PKNOX2: variants seen among roughly 807,000 people sequenced by gnomAD.
PKNOX2 encodes homeobox protein PKNOX2.
Under a neutral mutation model 53.1 loss-of-function variants are expected in PKNOX2, and 14 were observed. That is an observed-to-expected ratio of 0.26 (90% CI 0.17 to 0.41). PKNOX2 has a LOEUF of 0.41. PKNOX2 is among the 10% of genes least tolerant of loss of function. The pLI is 1.00. For missense variants in PKNOX2, 496 were observed against 602.8 expected (o/e 0.82, Z 1.85); for synonymous variants, 257 against 242.8 (o/e 1.06, Z -0.54).
At chr11:125,281,052 A>C (rs751316180) in intron 2 of PKNOX2, among the ~76,000 whole-genome samples, 2 of 152,036 alleles carry the variant, frequency 1.3e-5, no homozygotes, top group Non-Finnish European at 2.9e-5. Context: ...GGTGGATCAC[A>C]CTCCAAAGAC....
chr11:125,331,953 A>G (rs1188087299), intron 3 of PKNOX2, 28 bp downstream of exon 3: 1 of 152,074 alleles, frequency 6.6e-6, no homozygotes, highest in Non-Finnish European at 1.5e-5. Context: ...GTCGTTTAAC[A>G]TACAGTTACA....
chr11:125,165,563 G>T lies in PKNOX2; in HGVS notation c.-201+787G>T, dbSNP rs981926437. On this transcript the variant is annotated intron_variant, in intron 1 of 12. Coordinates refer to ENST00000298282, the MANE Select transcript of PKNOX2 (RefSeq NM_001382323.2). The surrounding 1 kb of genome is among the most constrained non-coding windows in gnomAD (Gnocchi z 4.5). ...CGGCCGCGGCCTGGGGAGGCAGGGC[G>T]AATGAGGGTTTGCAGACGGATCAGT... Among the ~76,000 whole-genome samples, 65 of 152,198 alleles carry T rather than the reference G, an allele frequency of 4.3e-4. 3 individuals are homozygous for T. The highest frequency in any genetic ancestry group is 2.4e-5 in the African/African-American group (1 of 41,458).
chr11:125,313,404 A>C (rs1486608030), intron 2 of PKNOX2, among the ~76,000 whole-genome samples: 1 of 152,178 alleles, frequency 6.6e-6, no homozygotes, highest in Non-Finnish European at 1.5e-5. Context: ...TTCTCTTTCA[A>C]CTGAATTGGG....
At chr11:125,337,054 T>C (rs1445751572) in intron 3 of PKNOX2, among the ~76,000 whole-genome samples, 2 of 151,940 alleles carry the variant, frequency 1.3e-5, no homozygotes, top group Admixed American at 6.6e-5. Flanking sequence ...TTATCTATGA[T>C]TTTTACATTG....
chr11:125,189,040 C>G (rs999001892), intron 1 of PKNOX2, among the ~76,000 whole-genome samples: 2 of 151,904 alleles, frequency 1.3e-5, no homozygotes, highest in African/African-American at 4.8e-5. Context: ...GCACAAAAGT[C>G]CCAATCAACT....
chr11:125,302,032 G>A (rs1221950107), intron 2 of PKNOX2, among the ~76,000 whole-genome samples: 1 of 152,224 alleles, frequency 6.6e-6, no homozygotes, highest in Non-Finnish European at 1.5e-5. Context: ...TCTGACTGGG[G>A]CTAAGAGTGG....
At chr11:125,369,286 C>G (rs960300860) in intron 5 of PKNOX2, among the ~76,000 whole-genome samples, 1 of 152,220 alleles carries the variant, frequency 6.6e-6, no homozygotes, top group Non-Finnish European at 1.5e-5. Flanking sequence ...CTGTGAAACA[C>G]ACAGGCTAGG....
chr11:125,398,350 C>T (rs1165609168), intron 7 of PKNOX2, among the ~76,000 whole-genome samples: 2 of 152,214 alleles, frequency 1.3e-5, no homozygotes, highest in African/African-American at 2.4e-5. Flanking sequence ...AAGGTATCCC[C>T]CAGAATGAGC....
At chr11:125,300,395 C>T (rs929053402) in intron 2 of PKNOX2, among the ~76,000 whole-genome samples, 1 of 152,320 alleles carries the variant, frequency 6.6e-6, no homozygotes, top group East Asian at 1.9e-4. Flanking sequence ...ATATTAGTAT[C>T]CCCATTTTAC....
rs921802160 is a variant in PKNOX2, at chr11:125,218,409, G to C, written c.-200-16636G>C. Reference sequence around the variant, plus strand: ...CTCTGGGTGCTGCGTGGCAGTGATGGGGGGGGGACAGGAACTTGTTCCAAA... The same window carrying C: ...CTCTGGGTGCTGCGTGGCAGTGATGCGGGGGGGACAGGAACTTGTTCCAAA... On this transcript the variant is annotated intron_variant, in intron 1 of 12. Transcript: ENST00000298282. Among the ~76,000 whole-genome samples, 13 of 151,068 alleles carry C rather than the reference G, an allele frequency of 8.6e-5. No individual in the cohort carries two copies. In the South Asian group the frequency reaches 1.5e-3, roughly 17 times the overall value.
intron 7 of PKNOX2, among the ~76,000 whole-genome samples, chr11:125,403,721 G>C (rs1954895477): frequency 6.6e-6 from 1 of 152,192 alleles, no homozygotes; most frequent in Non-Finnish European, 1.5e-5. Context: ...GACCTGGGTG[G>C]AGAGTGATGA....
chr11:125,330,832 T>C (rs1950096513), intron 2 of PKNOX2, among the ~76,000 whole-genome samples: 1 of 152,240 alleles, frequency 6.6e-6, no homozygotes, highest in Non-Finnish European at 1.5e-5. Flanking sequence ...ATGTCACTGG[T>C]TAATTACATT....
intron 10 of PKNOX2, among the ~76,000 whole-genome samples, chr11:125,423,093 T>TATACAC (rs1161676599): frequency 6.6e-6 from 1 of 152,162 alleles, no homozygotes; most frequent in Non-Finnish European, 1.5e-5. Context: ...TACGTATGTA[T>TATACAC]ATACACATAT....
intron 2 of PKNOX2, among the ~76,000 whole-genome samples, chr11:125,262,943 C>T (rs1050239516): frequency 2.7e-4 from 41 of 152,322 alleles, no homozygotes; most frequent in African/African-American, 9.4e-4. Context: ...CGGCGCCCCT[C>T]GCCCTCCCCG....
At chr11:125,293,746 C>T (rs1947462287) in intron 2 of PKNOX2, among the ~76,000 whole-genome samples, 1 of 152,022 alleles carries the variant, frequency 6.6e-6, no homozygotes, top group Non-Finnish European at 1.5e-5. Context: ...CACACTCACA[C>T]ACACTCACAC....
At chr11:125,243,327 T>A (rs910465768) in intron 2 of PKNOX2, among the ~76,000 whole-genome samples, 2 of 152,178 alleles carry the variant, frequency 1.3e-5, no homozygotes, top group African/African-American at 4.8e-5. Context: ...CCTCTCCCCT[T>A]CTGGGTGGAC....
intron 1 of PKNOX2, among the ~76,000 whole-genome samples, chr11:125,221,486 T>G (rs1941147707): frequency 6.6e-6 from 1 of 152,132 alleles, no homozygotes; most frequent in Non-Finnish European, 1.5e-5. Flanking sequence ...GGGGCCAGAA[T>G]GAAAAATGGA....
intron 2 of PKNOX2, among the ~76,000 whole-genome samples, chr11:125,282,234 C>T (rs1219006380): frequency 6.6e-6 from 1 of 152,234 alleles, no homozygotes; most frequent in Non-Finnish European, 1.5e-5. Context: ...TGAAACTGAC[C>T]TCTGCCCATT....
chr11:125,205,346 G>A (rs1938965665), intron 1 of PKNOX2, among the ~76,000 whole-genome samples: 2 of 152,222 alleles, frequency 1.3e-5, no homozygotes, highest in Non-Finnish European at 2.9e-5. Flanking sequence ...CTGAACCCAG[G>A]CCCAGGTGGG....
Sources: gnomAD v4.1 joint callset for allele counts (sites outside exome capture counted in the v4.1 genomes callset) on GRCh38, gnomAD v4.1.1 for gene constraint, Gnocchi (gnomAD v3.1) non-coding constraint, MANE v1.5 for transcripts, NCBI Gene and HGNC (gene_info 2026-07-23, HGNC 2026-07-21) for gene names.